ATOSA: variants seen among roughly 807,000 people sequenced by gnomAD.
ATOSA encodes the protein atos homolog A, also known as atos homolog protein A.
chr15:52,609,911 T>C, the ATOSA span: 1 of 1,611,050 alleles, frequency 6.2e-7, no homozygotes, highest in East Asian at 2.2e-5. Flanking sequence ...GATTTTAAAG[T>C]TCTCACTGAT....
chr15:52,665,421 A>G, the ATOSA span, among the ~76,000 whole-genome samples: 9 of 152,240 alleles, frequency 5.9e-5, no homozygotes, highest in African/African-American at 9.6e-5. Context: ...AAGAATATCT[A>G]TAAGAAAGCG....
the ATOSA span, among the ~76,000 whole-genome samples, chr15:52,617,076 T>C: frequency 6.6e-6 from 1 of 152,070 alleles, no homozygotes; most frequent in Non-Finnish European, 1.5e-5. Flanking sequence ...AATTATTGAG[T>C]GATGGGCTGA....
chr15:52,655,489 C>T, the ATOSA span, among the ~76,000 whole-genome samples: 1 of 152,064 alleles, frequency 6.6e-6, no homozygotes, highest in East Asian at 1.9e-4. Context: ...GAAAGGAGGT[C>T]GAAAAGGACA....
chr15:52,603,406 G>C, the ATOSA span, among the ~76,000 whole-genome samples: 2 of 152,120 alleles, frequency 1.3e-5, no homozygotes, highest in Non-Finnish European at 2.9e-5. Flanking sequence ...AGCTACTGTG[G>C]AGAAGACTAT....
At chr15:52,608,520 C>T in the ATOSA span, 1 of 1,509,236 alleles carries the variant, frequency 6.6e-7, no homozygotes, top group East Asian at 2.3e-5. Flanking sequence ...AAATTTAAAC[C>T]ATAACAAATA....
At chr15:52,696,311 C>A in the ATOSA span, among the ~76,000 whole-genome samples, 3 of 152,124 alleles carry the variant, frequency 2.0e-5, no homozygotes, top group Non-Finnish European at 4.4e-5. Context: ...AATATACACA[C>A]CTGGATTCTA....
chr15:52,670,628 G>A, the ATOSA span, among the ~76,000 whole-genome samples: 1 of 152,138 alleles, frequency 6.6e-6, no homozygotes, highest in Admixed American at 6.6e-5. Context: ...TGAATCTCTA[G>A]TTGGTATAAT....
At chr15:52,601,576 C>A in the ATOSA span, among the ~76,000 whole-genome samples, 1 of 151,592 alleles carries the variant, frequency 6.6e-6, no homozygotes, top group East Asian at 1.9e-4. Context: ...AGCCTGAGGC[C>A]CCACCAGCAC....
At chr15:52,599,741 A>G in the ATOSA span, among the ~76,000 whole-genome samples, 1 of 152,158 alleles carries the variant, frequency 6.6e-6, no homozygotes, top group Non-Finnish European at 1.5e-5. Context: ...AGTACAGAAA[A>G]CCTTTTGGTT....
chr15:52,666,852 A>C, the ATOSA span, among the ~76,000 whole-genome samples: 1 of 152,176 alleles, frequency 6.6e-6, no homozygotes, highest in Non-Finnish European at 1.5e-5. Context: ...AAACAATGTA[A>C]GGACTATGAA....
At chr15:52,598,411 C>T in the ATOSA span, 5 of 152,112 alleles carry the variant, frequency 3.3e-5, no homozygotes, top group Non-Finnish European at 5.9e-5. Context: ...CCTAATGCCC[C>T]ACAAATAATG....
chr15:52,630,089 C>T, the ATOSA span, among the ~76,000 whole-genome samples: 1 of 152,092 alleles, frequency 6.6e-6, no homozygotes, highest in Non-Finnish European at 1.5e-5. Context: ...TGAACAAGTT[C>T]TTTTCCCAGA....
the ATOSA span, chr15:52,677,892 C>A: frequency 6.7e-5 from 93 of 1,382,014 alleles, no homozygotes; most frequent in Non-Finnish European, 9.0e-5. Flanking sequence ...AACAGATAAT[C>A]ACATATGATA....
At chr15:52,610,530 G>A in the ATOSA span, 1 of 770,018 alleles carries the variant, frequency 1.3e-6, no homozygotes, top group Non-Finnish European at 2.0e-6. Context: ...ACTTTACCAT[G>A]CATATAATTC....
the ATOSA span, chr15:52,609,824 C>T: frequency 1.2e-6 from 2 of 1,613,556 alleles, no homozygotes; most frequent in Non-Finnish European, 1.7e-6. Context: ...ATTAAAGAGC[C>T]TATTAAAGGG....
the ATOSA span, among the ~76,000 whole-genome samples, chr15:52,617,645 T>A: frequency 6.6e-6 from 1 of 151,828 alleles, no homozygotes; most frequent in South Asian, 2.1e-4. Flanking sequence ...ATAGCCTTAT[T>A]TTAAGCATGT....
the ATOSA span, among the ~76,000 whole-genome samples, chr15:52,602,216 T>C: frequency 6.6e-6 from 1 of 152,264 alleles, no homozygotes; most frequent in Non-Finnish European, 1.5e-5. Flanking sequence ...TTCATCTGTA[T>C]GTGTATGCAT....
At chr15:52,662,702 G>C in the ATOSA span, among the ~76,000 whole-genome samples, 1 of 150,850 alleles carries the variant, frequency 6.6e-6, no homozygotes. Context: ...CCCGGGAGGC[G>C]GAGCTTGCAG....
the ATOSA span, among the ~76,000 whole-genome samples, chr15:52,607,032 T>A: frequency 6.6e-6 from 1 of 152,104 alleles, no homozygotes; most frequent in Non-Finnish European, 1.5e-5. Flanking sequence ...ATGTATATAG[T>A]ACATTAAGGT....
Sources: allele counts gnomAD v4.1 joint callset (sites outside exome capture counted in the v4.1 genomes callset), GRCh38; gene constraint gnomAD v4.1.1; transcripts MANE v1.5; gene names NCBI Gene and HGNC (gene_info 2026-07-23, HGNC 2026-07-21).